The following IQSEC3 variants were observed in gnomAD, a reference collection of about 807,000 sequenced individuals.
The protein encoded by IQSEC3 is IQ motif and SEC7 domain-containing protein 3.
Under a neutral mutation model 105.4 loss-of-function variants are expected in IQSEC3, and 50 were observed. That is an observed-to-expected ratio of 0.47 (90% CI 0.38 to 0.60). The LOEUF (loss-of-function observed/expected upper bound fraction) is 0.60. IQSEC3 is among the 20% of genes least tolerant of loss of function. The probability of loss-of-function intolerance (pLI) is 0.00; values close to 1 mark genes in which losing one functional copy is unlikely to be tolerated. For missense variants in IQSEC3, 1,415 were observed against 1,630.0 expected (o/e 0.87, Z 2.27); for synonymous variants, 708 against 746.0 (o/e 0.95, Z 0.83).
chr12:116,244 T>A (rs1201955644), intron 2 of IQSEC3, among the ~76,000 whole-genome samples: 3 of 152,122 alleles, frequency 2.0e-5, no homozygotes, highest in Admixed American at 2.0e-4. Flanking sequence ...CAGCGAGCGT[T>A]CAAACCCTAG....
rs778526369 is a variant in IQSEC3, at chr12:176,694, C to T, written c.*1661C>T. ...GTGAATCTATTTCTGGCCCTGTCTT[C>T]GTCGGCCCAGTTTCTGTAACTTGCA... On this transcript the variant is annotated 3_prime_UTR_variant, in exon 14 of 14. Transcript: ENST00000538872. This position sits in a 1 kb window ranked among gnomAD's most constrained non-coding sequence, Gnocchi z 4.0. The T allele has an allele frequency of 2.0e-5, 3 of 152,270 alleles. No homozygotes were observed. The highest frequency in any genetic ancestry group is 4.4e-5 in the Non-Finnish European group (3 of 68,070). The allele number at this position is 152,270 out of a possible 1,614,324, so 9.4% of individuals were successfully genotyped here. A position where few individuals can be genotyped will look rare whatever the true frequency, so the allele number is the denominator to read the frequency against.
chr12:83,441 T>A (rs1306486386), intron 1 of IQSEC3, among the ~76,000 whole-genome samples: 1 of 151,476 alleles, frequency 6.6e-6, no homozygotes, highest in East Asian at 1.9e-4. Flanking sequence ...AGGGGGAGGA[T>A]AGCTCTGAAG....
intron 5 of IQSEC3, among the ~76,000 whole-genome samples, chr12:150,856 C>T (rs879979693): frequency 1.2e-4 from 19 of 152,212 alleles, no homozygotes; most frequent in Non-Finnish European, 1.8e-4. Flanking sequence ...AAGACAAGCA[C>T]TTGGGTGCTC....
At position 138,964 on chromosome 12, in the gene IQSEC3, G is replaced by A. The variant is rs1865896966; in HGVS notation, c.1601G>A (p.Gly534Glu). The change falls in exon 4 of 14, where the codon GGG becomes GAG. Residue 534 changes from glycine (G) to glutamate (E), a missense_variant. This residue lies in a region of IQSEC3 where 720 missense variants were observed against 633.0 expected (regional missense o/e 1.14). Coordinates refer to ENST00000538872, the MANE Select transcript of IQSEC3 (RefSeq NM_001170738.2). The surrounding 1 kb of genome is among the most constrained non-coding windows in gnomAD (Gnocchi z 7.1). ...AAGGCCGAGCAGGGCGAGACCTCTG[G>A]GCGGGAGGCCCCGGAAGCCCCCGCC... ...AGKAEQGETS[G>E]REAPEAPAVG... The A allele has an allele frequency of 1.3e-6, 2 of 1,555,420 alleles. No individual in the cohort carries two copies. The highest frequency in any genetic ancestry group is 1.2e-5 in the South Asian group (1 of 85,890).
chr12:144,492 T>C (rs1275718391), intron 5 of IQSEC3: 1 of 152,036 alleles, frequency 6.6e-6, no homozygotes, highest in Non-Finnish European at 1.5e-5. Flanking sequence ...CGCAGCACTC[T>C]CCCAAGAAGC....
chr12:126,175 C>T lies in IQSEC3; in HGVS notation c.903+263C>T, dbSNP rs532959166. Among the ~76,000 whole-genome samples, 8 of 152,350 alleles carry T rather than the reference C, an allele frequency of 5.3e-5. No individual in the cohort carries two copies. The East Asian group carries it at 1.4e-3, about 26-fold the overall frequency. On this transcript the variant is annotated intron_variant, in intron 3 of 13. Coordinates refer to ENST00000538872, the MANE Select transcript of IQSEC3 (RefSeq NM_001170738.2). ...CAGGGGCTCTGCTCCTCACACAGTG[C>T]TCAGCAAGCCTCCACCGCCCCACTG...
At chr12:99,299 G>A in intron 2 of IQSEC3, 85 bp downstream of exon 2, 1 of 1,238,156 alleles carries the variant, frequency 8.1e-7, no homozygotes, top group East Asian at 2.5e-5. Context: ...CTAGCTATTG[G>A]GCCTCCTCCT....
At chr12:116,022 A>G (rs566757593) in intron 2 of IQSEC3, among the ~76,000 whole-genome samples, 35 of 152,318 alleles carry the variant, frequency 2.3e-4, no homozygotes, top group African/African-American at 7.9e-4. Context: ...ATAATATTAC[A>G]GGAAAAGTGA....
chr12:157,020 C>T lies in IQSEC3; in HGVS notation c.2154-5C>T. The T allele has an allele frequency of 6.3e-7, 1 of 1,592,428 alleles. No individual in the cohort carries two copies. The highest frequency in any genetic ancestry group is 2.3e-5 in the East Asian group (1 of 44,166). On this transcript the variant is annotated splice_polypyrimidine_tract_variant and splice_region_variant and intron_variant, in intron 5 of 13. Coordinates refer to ENST00000538872, the MANE Select transcript of IQSEC3 (RefSeq NM_001170738.2). ...TGACCTCACACCCTCCCTGCCTGCC[C>T]TCAGCTGCGTGGTGGACGAGATGGA...
intron 1 of IQSEC3, among the ~76,000 whole-genome samples, chr12:76,079 A>T (rs1351357618): frequency 6.8e-6 from 1 of 146,518 alleles, no homozygotes; most frequent in East Asian, 2.0e-4. Flanking sequence ...CTGCAGTGAG[A>T]GTTTCATCAC....
chr12:161,978 G>A lies in IQSEC3; in HGVS notation c.2496G>A (p.Glu832=), dbSNP rs782221802. 1.2e-6 allele frequency: 2 copies of A among 1,613,618 alleles called. No individual in the cohort carries two copies. The highest frequency in any genetic ancestry group is 4.5e-5 in the East Asian group (2 of 44,876). ...GGGAGCTGGTGGTAGGCATCTATGA[G>A]AGGATACAGCAGAAGGAGCTCAAGT... The part of the protein sequence containing the change: ...IPRELVVGIY[E]RIQQKELKSN... Residue 832 remains glutamate, a synonymous_variant, in exon 8 of 14, where the codon GAG becomes GAA. Coordinates refer to ENST00000538872, the MANE Select transcript of IQSEC3 (RefSeq NM_001170738.2).
At chr12:155,474 GC>G in intron 5 of IQSEC3, among the ~76,000 whole-genome samples, 1 of 152,204 alleles carries the variant, frequency 6.6e-6, no homozygotes, top group South Asian at 2.1e-4. Flanking sequence ...CCCTCTCGGC[GC>G]CCCCTCCCTT....
intron 1 of IQSEC3, among the ~76,000 whole-genome samples, chr12:85,861 C>T (rs539773445): frequency 1.3e-5 from 2 of 152,318 alleles, no homozygotes; most frequent in South Asian, 4.1e-4. Context: ...GTGTCTCTAG[C>T]ATGTGTTGTG....
Position 138,949 on chromosome 12 carries a change from A to G in IQSEC3, c.1586A>G (p.Gln529Arg). ...PAEPAAGKAE[Q>R]GETSGREAPE... Reference sequence around the variant, plus strand: ...GAGCCCGCGGCGGGCAAGGCCGAGCAGGGCGAGACCTCTGGGCGGGAGGCC... The same window carrying G: ...GAGCCCGCGGCGGGCAAGGCCGAGCGGGGCGAGACCTCTGGGCGGGAGGCC... Residue 529 changes from glutamine (Q) to arginine (R), a missense_variant, in exon 4 of 14, where the codon CAG (glutamine) becomes CGG (arginine). By Grantham distance (43) the Gln-to-Arg change is conservative. This residue lies in a region of IQSEC3 where 720 missense variants were observed against 633.0 expected (regional missense o/e 1.14). Transcript: ENST00000538872. This position sits in a 1 kb window ranked among gnomAD's most constrained non-coding sequence, Gnocchi z 7.1. 1 of 1,576,652 alleles carries G rather than the reference A, an allele frequency of 6.3e-7. No individual in the cohort carries two copies. The highest frequency in any genetic ancestry group is 8.6e-7 in the Non-Finnish European group (1 of 1,162,530).
rs1866542208 is a variant in IQSEC3, at chr12:152,486, G to T, written c.2154-4539G>T. On this transcript the variant is annotated intron_variant, in intron 5 of 13. Transcript: ENST00000538872. This position sits in a 1 kb window ranked among gnomAD's most constrained non-coding sequence, Gnocchi z 4.8. ...GGACCACCTGCCCCAGGAGATGTCA[G>T]CAAGGAATGAGATGTGTGCAGCACG... 6.6e-6 allele frequency among the ~76,000 whole-genome samples: 1 copy of T among 152,228 alleles called. No homozygotes were observed. Among genetic ancestry groups the T allele is most frequent in the Non-Finnish European group, 1.5e-5 (1 of 68,048 alleles).
At chr12:92,842 G>T (rs1267411143) in intron 1 of IQSEC3, among the ~76,000 whole-genome samples, 2 of 152,326 alleles carry the variant, frequency 1.3e-5, no homozygotes, top group South Asian at 4.1e-4. Context: ...GAGAACAGCT[G>T]GTTCTTGCTG....
rs1466761534 is a variant in IQSEC3, at chr12:177,947, C to T, written c.*2914C>T. 1 of 152,310 alleles carries T rather than the reference C, an allele frequency of 6.6e-6. No individual in the cohort carries two copies. The highest frequency in any genetic ancestry group is 1.5e-5 in the Non-Finnish European group (1 of 68,108). 9.4% of individuals were successfully genotyped at this position (152,310 alleles called of 1,614,324 possible). A position where few individuals can be genotyped will look rare whatever the true frequency, so the allele number is the denominator to read the frequency against. On this transcript the variant is annotated 3_prime_UTR_variant, in exon 14 of 14. Transcript: ENST00000538872. This position sits in a 1 kb window ranked among gnomAD's most constrained non-coding sequence, Gnocchi z 5.3. ...CCCCAAGATGGCCCCACTCTATCCA[C>T]TCTCTAGACCTTTGGGAAATCTGGG...
chr12:110,994 G>A (rs782164145), intron 2 of IQSEC3, among the ~76,000 whole-genome samples: 19 of 152,050 alleles, frequency 1.2e-4, no homozygotes, highest in African/African-American at 2.9e-4. Context: ...TAGCTTCTTC[G>A]TGACCCCCCG....
Position 177,221 on chromosome 12 carries a change from CAAGGA to C in IQSEC3, c.*2189_*2193del. The C allele has an allele frequency of 8.3e-6, 1 of 120,844 alleles. No individual in the cohort carries two copies. The highest frequency in any genetic ancestry group is 3.3e-5 in the African/African-American group (1 of 30,606). 7.5% of individuals were successfully genotyped at this position (120,844 alleles called of 1,614,324 possible). On this transcript the variant is annotated 3_prime_UTR_variant, in exon 14 of 14. Transcript: ENST00000538872. The surrounding 1 kb of genome is among the most constrained non-coding windows in gnomAD (Gnocchi z 5.3). ...TGCTCACACAGCTCTTCAAGCTTAC[CAAGGA>C]CAGGCAGAACCCCGTCCCCTGCTCA... is the stretch of plus-strand genomic sequence containing the variant.
Sources: allele counts gnomAD v4.1 joint callset (sites outside exome capture counted in the v4.1 genomes callset), GRCh38; gene constraint gnomAD v4.1.1; regional missense constraint gnomAD v4.1.1; non-coding constraint Gnocchi (gnomAD v3.1); transcripts MANE v1.5; gene names NCBI Gene and HGNC (gene_info 2026-07-23, HGNC 2026-07-21).